Variants in TUSC3 observed in about 807,000 individuals in gnomAD.
The protein encoded by TUSC3 is tumor suppressor candidate 3, also known as dolichyl-diphosphooligosaccharide--protein glycosyltransferase subunit TUSC3.
A neutral mutation model predicts 44.8 loss-of-function variants in TUSC3; 45 were observed. The observed-to-expected ratio is 1.00, with a 90% confidence interval of 0.79 to 1.29. The LOEUF is 1.29. Ranked by LOEUF, TUSC3 falls within the 50% of genes most tolerant of loss-of-function variation. The pLI is 0.00. For missense variants in TUSC3, 519 were observed against 437.9 expected, an observed-to-expected ratio of 1.19 and a Z score of -1.65; for synonymous variants, 212 against 152.9, an observed-to-expected ratio of 1.39 and a Z score of -2.85.
Position 15,623,144 on chromosome 8 carries a change from T to G in TUSC3, c.203T>G (p.Met68Arg). ...EWSSRRSIFR[M>R]NGDKFRKFIK... The stretch of plus-strand genomic sequence containing the variant: ...AGTTCCAGACGCTCAATCTTCCGAA[T>G]GAATGGTGATAAATTCCGAAAATTT... The change falls in exon 2 of 11, where the codon ATG becomes AGG. Residue 68 changes from methionine to arginine, a missense_variant. Met to Arg is a moderately conservative substitution (Grantham distance 91, BLOSUM62 -1). Transcript: ENST00000503731. 1 of 1,613,914 alleles carries G rather than the reference T, an allele frequency of 6.2e-7. No homozygotes were observed. Among genetic ancestry groups the G allele is most frequent in the Non-Finnish European group, 8.5e-7 (1 of 1,179,904 alleles).
At chr8:15,651,217 G>A (rs761299556) in intron 3 of TUSC3, among the ~76,000 whole-genome samples, 27 of 152,054 alleles carry the variant, frequency 1.8e-4, no homozygotes, top group East Asian at 3.8e-4. Context: ...ACATGCATTG[G>A]TCTTATTCTG....
intron 6 of TUSC3, among the ~76,000 whole-genome samples, chr8:15,696,678 G>T (rs1809182252): frequency 6.6e-6 from 1 of 152,186 alleles, no homozygotes; most frequent in Non-Finnish European, 1.5e-5. Flanking sequence ...TTGATACGTT[G>T]TTGGGTTCAG....
the TUSC3 span, among the ~76,000 whole-genome samples, chr8:15,787,890 T>C: frequency 3.3e-5 from 5 of 152,224 alleles, no homozygotes; most frequent in Non-Finnish European, 5.9e-5. Flanking sequence ...TTAAGAAATG[T>C]CATCATTTAC....
the TUSC3 span, among the ~76,000 whole-genome samples, chr8:15,837,009 G>A: frequency 6.6e-6 from 1 of 151,944 alleles, no homozygotes; most frequent in South Asian, 2.1e-4. Flanking sequence ...TGTTAAATAA[G>A]GTAGGTCTGA....
the TUSC3 span, among the ~76,000 whole-genome samples, chr8:15,780,871 A>G: frequency 1.3e-5 from 2 of 152,198 alleles, no homozygotes; most frequent in Admixed American, 1.3e-4. Context: ...TGAGAAAGTG[A>G]AAAGATAGAG....
At chr8:15,551,428 A>G (rs1032090065) in intron 1 of TUSC3, among the ~76,000 whole-genome samples, 1 of 151,832 alleles carries the variant, frequency 6.6e-6, no homozygotes, top group African/African-American at 2.4e-5. Context: ...AAAGAAGCCT[A>G]AATAACGTTA....
intron 2 of TUSC3, among the ~76,000 whole-genome samples, chr8:15,495,622 C>T (rs1233055229): frequency 6.6e-6 from 1 of 152,060 alleles, no homozygotes; most frequent in Admixed American, 6.6e-5. Flanking sequence ...CAATTCTACC[C>T]AAGAAAATAA....
At chr8:15,795,680 G>A in the TUSC3 span, among the ~76,000 whole-genome samples, 1 of 152,192 alleles carries the variant, frequency 6.6e-6, no homozygotes, top group Non-Finnish European at 1.5e-5. Flanking sequence ...TGGAAAGAAG[G>A]CATTGTTTAC....
chr8:15,537,433 G>C (rs944648231), upstream of TUSC3, among the ~76,000 whole-genome samples: 1 of 152,008 alleles, frequency 6.6e-6, no homozygotes. Flanking sequence ...CGACCACCTC[G>C]GGCACATGTT....
At chr8:15,660,015 A>C (rs1327837688) in intron 4 of TUSC3, among the ~76,000 whole-genome samples, 1 of 152,084 alleles carries the variant, frequency 6.6e-6, no homozygotes, top group African/African-American at 2.4e-5. Flanking sequence ...TACCCACCTT[A>C]AAGCTACGTG....
intron 1 of TUSC3, among the ~76,000 whole-genome samples, chr8:15,482,762 T>G (rs771523057): frequency 5.9e-5 from 9 of 152,164 alleles, no homozygotes; most frequent in African/African-American, 9.6e-5. Flanking sequence ...AGCAAATCTG[T>G]ATATACAGAA....
At chr8:15,759,578 C>G (rs575969568) in intron 10 of TUSC3, among the ~76,000 whole-genome samples, 1 of 152,070 alleles carries the variant, frequency 6.6e-6, no homozygotes, top group South Asian at 2.1e-4. Flanking sequence ...TTTGATATAC[C>G]CTCGGTCTCC....
At chr8:15,593,337 C>T (rs969928776) in intron 1 of TUSC3, among the ~76,000 whole-genome samples, 6 of 152,154 alleles carry the variant, frequency 3.9e-5, no homozygotes, top group African/African-American at 7.2e-5. Flanking sequence ...CCGCCCGCTT[C>T]GGCCTCCCAA....
intron 1 of TUSC3, among the ~76,000 whole-genome samples, chr8:15,582,480 C>T (rs74421979): frequency 0.021 from 3,130 of 152,264 alleles, 94 homozygotes; most frequent in African/African-American, 0.07. Flanking sequence ...AATATCAACA[C>T]TTAATAAGTT....
chr8:15,497,974 C>G (rs947599793), intron 2 of TUSC3, among the ~76,000 whole-genome samples: 1 of 152,058 alleles, frequency 6.6e-6, no homozygotes, highest in African/African-American at 2.4e-5. Flanking sequence ...GTCTCAAACT[C>G]CTGACCTAAA....
At chr8:15,567,428 T>C (rs1802718320) in intron 1 of TUSC3, among the ~76,000 whole-genome samples, 1 of 152,152 alleles carries the variant, frequency 6.6e-6, no homozygotes, top group Non-Finnish European at 1.5e-5. Flanking sequence ...CCATGGAAAC[T>C]TGCCCAGAGT....
At chr8:15,792,593 T>A in the TUSC3 span, among the ~76,000 whole-genome samples, 1 of 152,222 alleles carries the variant, frequency 6.6e-6, no homozygotes, top group East Asian at 1.9e-4. Context: ...GTATACCTAC[T>A]ATTTCTTTTT....
Position 15,659,618 on chromosome 8 carries a change from A to C in TUSC3, c.538A>C (p.Lys180Gln). 6.2e-7 allele frequency: 1 copy of C among 1,613,348 alleles called. No homozygotes were observed. The highest frequency in any genetic ancestry group is 8.5e-7 in the Non-Finnish European group (1 of 1,179,648). ...RIGFAAEQLA[K>Q]WIADRTDVHI... is the part of the protein sequence containing the mutation. ...TGGATTTGCAGCTGAGCAACTAGCA[A>C]AGTGGATTGCTGACAGAACGGATGT... Residue 180 changes from lysine (K) to glutamine (Q), a missense_variant, in exon 4 of 11, where the codon AAG (lysine) becomes CAG (glutamine). Coordinates refer to ENST00000503731, the MANE Select transcript of TUSC3 (RefSeq NM_006765.4).
chr8:15,418,217 T>C (rs1191494716), intron 1 of TUSC3, among the ~76,000 whole-genome samples: 2 of 152,222 alleles, frequency 1.3e-5, no homozygotes, highest in Non-Finnish European at 2.9e-5. Context: ...GGTCAGCTCC[T>C]ATAGTAGCCT....
Sources: gnomAD v4.1 joint callset for allele counts (sites outside exome capture counted in the v4.1 genomes callset) on GRCh38, gnomAD v4.1.1 for gene constraint, MANE v1.5 for transcripts, NCBI Gene and HGNC (gene_info 2026-07-23, HGNC 2026-07-21) for gene names.